Variants in HIPK2 observed in about 807,000 individuals in gnomAD.
HIPK2 encodes the protein homeodomain-interacting protein kinase 2.
In HIPK2, 27 loss-of-function variants were observed where a neutral mutation model predicts 113.7. The observed-to-expected ratio is 0.24, with a 90% CI of 0.17 to 0.33. The LOEUF is 0.33. Among genes scored for constraint, HIPK2 ranks in the 10% least tolerant of loss-of-function variants. HIPK2 has a pLI of 1.00. For synonymous variants in HIPK2, 631 were observed against 642.2 expected, an observed-to-expected ratio of 0.98 and a Z score of 0.26; for missense variants, 1,257 against 1,588.0, an observed-to-expected ratio of 0.79 and a Z score of 3.54.
intron 1 of HIPK2, among the ~76,000 whole-genome samples, chr7:139,775,978 G>T (rs1796734975): frequency 6.6e-6 from 1 of 152,228 alleles, no homozygotes; most frequent in Admixed American, 6.5e-5. Flanking sequence ...GGAGTGTCCA[G>T]CAGAGGGAGT....
intron 1 of HIPK2, among the ~76,000 whole-genome samples, chr7:139,763,925 CA>C (rs1222698043): frequency 2.6e-5 from 4 of 152,158 alleles, no homozygotes; most frequent in Non-Finnish European, 5.9e-5. Flanking sequence ...TATAGTGCCA[CA>C]TTTTTTTTGC....
At chr7:139,606,146 G>A (rs1007218170) in intron 9 of HIPK2, among the ~76,000 whole-genome samples, 1 of 152,156 alleles carries the variant, frequency 6.6e-6, no homozygotes, top group Non-Finnish European at 1.5e-5. Context: ...GCTCATTTGT[G>A]ACAACGCTTC....
At chr7:139,763,468 A>C (rs1796501059) in intron 1 of HIPK2, among the ~76,000 whole-genome samples, 2 of 116,486 alleles carry the variant, frequency 1.7e-5, no homozygotes, top group South Asian at 3.4e-4. Flanking sequence ...TTTTGCCGGA[A>C]CACGCCCCCC....
In HIPK2 at chr7:139,703,194, A is replaced by G. The variant is rs890168183; in HGVS notation, c.1103+12738T>C. ...AAATAGATTTAAAATCATTTTGAAA[A>G]TATTTTAAAAACGGAAAGTTCTATG... On this transcript the variant is annotated intron_variant, in intron 2 of 14. Transcript: ENST00000406875. Among the ~76,000 whole-genome samples, 18 of 152,334 alleles carry G rather than the reference A, an allele frequency of 1.2e-4. No homozygotes were observed. The East Asian group carries it at 1.3e-3, about 11-fold the overall frequency.
At position 139,572,621 on chromosome 7, in the gene HIPK2, C is replaced by A; in HGVS notation, c.*306G>T. The stretch of plus-strand genomic sequence containing the variant: ...TTTTTGTTATTGACTTTTTTTTTTT[C>A]CTTTTTCTTTTTTAAAATAAAAACC... On this transcript the variant is annotated 3_prime_UTR_variant, in exon 15 of 15. Coordinates refer to ENST00000406875, the MANE Select transcript of HIPK2 (RefSeq NM_022740.5). 4.7e-5 allele frequency: 12 copies of A among 254,604 alleles called. No individual in the cohort carries two copies. The highest frequency in any genetic ancestry group is 1.4e-4 in the East Asian group (2 of 14,510). 15.8% of individuals were successfully genotyped at this position (254,604 alleles called of 1,614,324 possible).
At chr7:139,654,853 G>C (rs1017409417) in intron 2 of HIPK2, among the ~76,000 whole-genome samples, 1 of 152,142 alleles carries the variant, frequency 6.6e-6, no homozygotes, top group Non-Finnish European at 1.5e-5. Flanking sequence ...TTATTTTTGG[G>C]AACAGTTTAA....
rs762867978 is a variant in HIPK2, at chr7:139,573,155, C to A, written c.3369G>T (p.Ser1123=). Residue 1123 remains serine (S), a synonymous_variant, in exon 15 of 15, where the codon TCG becomes TCT. Coordinates refer to ENST00000406875, the MANE Select transcript of HIPK2 (RefSeq NM_022740.5). ...STGTVAHLVA[S]QGSARHTVQH... The stretch of plus-strand genomic sequence containing the variant: ...GCACGGTGTGGCGCGCAGAGCCTTG[C>A]GAGGCCACCAGGTGGGCCACGGTGC... 1.9e-6 allele frequency: 3 copies of A among 1,610,562 alleles called. No individual in the cohort carries two copies. Among genetic ancestry groups the A allele is most frequent in the East Asian group, 2.2e-5 (1 of 44,836 alleles).
intron 13 of HIPK2, among the ~76,000 whole-genome samples, chr7:139,580,995 G>A (rs1389826164): frequency 6.6e-6 from 1 of 152,160 alleles, no homozygotes; most frequent in East Asian, 1.9e-4. Context: ...TGAGGCGGGT[G>A]GATTGCCTGA....
chr7:139,585,500 G>A lies in HIPK2; in HGVS notation c.2718-1436C>T, dbSNP rs1172438362. On this transcript the variant is annotated intron_variant, in intron 12 of 14. Transcript: ENST00000406875. ...CCTCTCTGGTTCAGGGTGCCTAACCGTGTTCGTGGGTGAGAACACGAACCT... is the reference window on the plus strand; with the variant it reads ...CCTCTCTGGTTCAGGGTGCCTAACCATGTTCGTGGGTGAGAACACGAACCT... Among the ~76,000 whole-genome samples, 6 of 152,314 alleles carry A rather than the reference G, an allele frequency of 3.9e-5. No individual in the cohort carries two copies. In the East Asian group the frequency reaches 9.6e-4, roughly 24 times the overall value.
chr7:139,749,589 G>A (rs999957099), intron 1 of HIPK2, among the ~76,000 whole-genome samples: 13 of 152,188 alleles, frequency 8.5e-5, no homozygotes, highest in African/African-American at 2.9e-4. Context: ...TTTACTGGGC[G>A]TGGATGACGT....
intron 1 of HIPK2, among the ~76,000 whole-genome samples, chr7:139,722,917 G>A (rs927879050): frequency 6.6e-6 from 1 of 151,690 alleles, no homozygotes; most frequent in Non-Finnish European, 1.5e-5. Flanking sequence ...AGGTTGGAGT[G>A]CAGTGGTGCA....
At chr7:139,684,092 C>T (rs1472530073) in intron 2 of HIPK2, among the ~76,000 whole-genome samples, 1 of 152,064 alleles carries the variant, frequency 6.6e-6, no homozygotes, top group African/African-American at 2.4e-5. Context: ...ATATTTCAAA[C>T]TTTTTCATCA....
Position 139,715,850 on chromosome 7 carries a change from C to T in HIPK2, c.1103+82G>A, listed in dbSNP as rs147459307. On this transcript the variant is annotated intron_variant, in intron 2 of 14. Coordinates refer to ENST00000406875, the MANE Select transcript of HIPK2 (RefSeq NM_022740.5). ...GAACTGTAGACATATAATTTTATCT[C>T]CCCACAGTGACTAAGGTGGCACATT... 5.8e-4 allele frequency: 884 copies of T among 1,522,312 alleles called. 5 individuals carry two copies. Among genetic ancestry groups the T allele is most frequent in the South Asian group, 2.1e-3 (165 of 77,156 alleles). 94.3% of individuals were successfully genotyped at this position (1,522,312 alleles called of 1,614,324 possible).
At chr7:139,715,193 C>A (rs1469284789) in intron 2 of HIPK2, among the ~76,000 whole-genome samples, 1 of 152,168 alleles carries the variant, frequency 6.6e-6, no homozygotes, top group Non-Finnish European at 1.5e-5. Flanking sequence ...AAAGTGAAAT[C>A]AAAGCTTGTT....
intron 2 of HIPK2, among the ~76,000 whole-genome samples, chr7:139,640,376 C>T (rs1339429882): frequency 1.3e-5 from 2 of 152,192 alleles, no homozygotes; most frequent in African/African-American, 4.8e-5. Context: ...GGGGAATGGC[C>T]TCCAGTGGAG....
intron 1 of HIPK2, among the ~76,000 whole-genome samples, chr7:139,734,573 T>C (rs951374561): frequency 3.9e-5 from 6 of 152,188 alleles, no homozygotes; most frequent in Non-Finnish European, 7.3e-5. Flanking sequence ...GACGCCACGG[T>C]TGTGCTCTTG....
intron 13 of HIPK2, among the ~76,000 whole-genome samples, chr7:139,578,332 G>A (rs1798557107): frequency 6.6e-6 from 1 of 152,140 alleles, no homozygotes; most frequent in Admixed American, 6.6e-5. Flanking sequence ...TTTTGGTAGA[G>A]ACAGAGTTTG....
chr7:139,678,686 A>C (rs553048040), intron 2 of HIPK2, among the ~76,000 whole-genome samples: 12 of 152,306 alleles, frequency 7.9e-5, no homozygotes, highest in Admixed American at 2.0e-4. Context: ...TATGAAATTT[A>C]ATTCTGTGAA....
intron 1 of HIPK2, among the ~76,000 whole-genome samples, chr7:139,732,012 C>T (rs934388691): frequency 2.0e-5 from 3 of 151,066 alleles, no homozygotes; most frequent in African/African-American, 4.9e-5. Flanking sequence ...AAAGTTGGCA[C>T]GGATGCTGAG....
Sources: gnomAD v4.1 joint callset for allele counts (sites outside exome capture counted in the v4.1 genomes callset) on GRCh38, gnomAD v4.1.1 for gene constraint, MANE v1.5 for transcripts, NCBI Gene and HGNC (gene_info 2026-07-23, HGNC 2026-07-21) for gene names.